Variants in ACTN3 observed in about 807,000 individuals in gnomAD.
ACTN3 encodes actinin alpha 3.
A neutral mutation model predicts 119.6 loss-of-function variants in ACTN3; 91 were observed. The ratio of observed to expected loss-of-function variants is 0.76; its 90% confidence interval spans 0.64 to 0.91. The LOEUF is 0.91. Ranked by LOEUF, ACTN3 falls within the 40% of genes least tolerant of loss-of-function variation. The probability of loss-of-function intolerance (pLI) is 0.00; values close to 1 mark genes in which losing one functional copy is unlikely to be tolerated. For missense variants in ACTN3, 1,221 were observed against 1,215.1 expected, an observed-to-expected ratio of 1.00 and a Z score of -0.07; for synonymous variants, 456 against 478.8, an observed-to-expected ratio of 0.95 and a Z score of 0.62.
intron 19 of ACTN3, 136 bp from the exon 20 acceptor site, chr11:66,562,660 A>G (rs1177727203): frequency 2.0e-6 from 2 of 1,008,664 alleles, no homozygotes; most frequent in East Asian, 4.8e-5. Context: ...AGCCAGGGCT[A>G]AGGTCTCTGG....
intron 1 of ACTN3, among the ~76,000 whole-genome samples, chr11:66,550,795 CAGAG>C (rs1484698038): frequency 6.6e-6 from 1 of 152,184 alleles, no homozygotes; most frequent in African/African-American, 2.4e-5. Flanking sequence ...AACAGAAACA[CAGAG>C]ACAGTCCCTT....
chr11:66,558,041 C>T lies in ACTN3; in HGVS notation c.1143C>T (p.Ala381=). The T allele has an allele frequency of 6.2e-7, 1 of 1,613,886 alleles. No individual in the cohort carries two copies. The highest frequency in any genetic ancestry group is 8.5e-7 in the Non-Finnish European group (1 of 1,179,870). ...EGKLVSDIAN[A]WRGLEQVEKG... ...CTGCTCCACAGGACATCGCCAACGC[C>T]TGGCGGGGGCTGGAGCAGGTGGAAA... The change falls in exon 11 of 21, where the codon GCC becomes GCT. Residue 381 remains alanine, a synonymous_variant. Coordinates refer to ENST00000513398, the MANE Select transcript of ACTN3 (RefSeq NM_001104.4).
At chr11:66,556,729 G>C (rs912317529) in intron 8 of ACTN3, among the ~76,000 whole-genome samples, 2 of 151,338 alleles carry the variant, frequency 1.3e-5, no homozygotes, top group African/African-American at 4.9e-5. Flanking sequence ...GAGCCACCAC[G>C]CCCAGCTGGG....
Position 66,550,812 on chromosome 11 carries a change from G to A in ACTN3, c.148-427G>A, listed in dbSNP as rs1200144125. Among the ~76,000 whole-genome samples, 3 of 152,112 alleles carry A rather than the reference G, an allele frequency of 2.0e-5. No individual in the cohort carries two copies. The East Asian group carries it at 5.8e-4, about 29-fold the overall frequency. On this transcript the variant is annotated intron_variant, in intron 1 of 20. Transcript: ENST00000513398. ...CAGAAACACAGAGACAGTCCCTTAG[G>A]CAAAACCCTGAGGGCCAGATGTGCT...
chr11:66,555,489 C>T, intron 7 of ACTN3, 122 bp downstream of exon 7: 1 of 954,172 alleles, frequency 1.0e-6, no homozygotes, highest in Non-Finnish European at 1.6e-6. Context: ...CACCCCACTC[C>T]CTGGTCACAG....
intron 3 of ACTN3, among the ~76,000 whole-genome samples, chr11:66,552,483 G>A (rs150684733): frequency 6.6e-6 from 1 of 152,288 alleles, no homozygotes; most frequent in African/African-American, 2.4e-5. Context: ...TGGTAGCGCT[G>A]TAGTCTCAGC....
Position 66,562,029 on chromosome 11 carries a change from G to T in ACTN3, c.2183G>T (p.Arg728Leu). Residue 728 changes from arginine to leucine, a missense_variant, in exon 18 of 21, where the codon CGC (arginine) becomes CTC (leucine). Arg to Leu is a moderately radical substitution (Grantham distance 102). Around this residue, in one of 3 missense-constraint regions of ACTN3, gnomAD observed 934 missense variants for 899.9 expected, o/e 1.04. Transcript: ENST00000513398. ...CTGTCCCCTGACCGCCAGCACATCCGCGTGGGCTGGGAGCAGCTGCTCACC... is the reference window on the plus strand; with the variant it reads ...CTGTCCCCTGACCGCCAGCACATCCTCGTGGGCTGGGAGCAGCTGCTCACC... ...KHTVYSMEHI[R>L]VGWEQLLTSI... The T allele has an allele frequency of 1.2e-6, 2 of 1,609,186 alleles. No individual in the cohort carries two copies. The highest frequency in any genetic ancestry group is 1.7e-6 in the Non-Finnish European group (2 of 1,177,924).
chr11:66,556,072 AC>A, intron 7 of ACTN3, 72 bp from the exon 8 acceptor site: 1 of 1,391,522 alleles, frequency 7.2e-7, no homozygotes, highest in African/African-American at 1.4e-5. Flanking sequence ...CAGCCCTCCC[AC>A]CCAGAGAGAG....
intron 3 of ACTN3, 104 bp downstream of exon 3, chr11:66,551,751 T>C (rs1458520291): frequency 1.3e-6 from 2 of 1,491,418 alleles, no homozygotes; most frequent in Non-Finnish European, 1.8e-6. Context: ...GCAATGAGAA[T>C]AATCCCTGCC....
intron 12 of ACTN3, 75 bp from the exon 13 acceptor site, chr11:66,559,893 G>A: frequency 2.1e-6 from 3 of 1,438,850 alleles, no homozygotes; most frequent in African/African-American, 1.4e-5. Context: ...CGGGGAGCAG[G>A]TTCCAGCCCT....
At chr11:66,547,132 C>G (rs75898802) in intron 1 of ACTN3, 48 bp downstream of exon 1, 17 of 1,453,544 alleles carry the variant, frequency 1.2e-5, no homozygotes, top group Non-Finnish European at 1.5e-5. Flanking sequence ...CCTGAGAGGC[C>G]GGGCTGTTTG....
At chr11:66,554,504 C>T in intron 4 of ACTN3, 32 bp from the exon 5 acceptor site, 1 of 1,556,848 alleles carries the variant, frequency 6.4e-7, no homozygotes, top group Non-Finnish European at 8.7e-7. Context: ...GGACCCCTTC[C>T]CAATGAATCC....
At position 66,547,081 on chromosome 11, in the gene ACTN3, G is replaced by C; in HGVS notation, c.144G>C (p.Arg48=). Residue 48 remains arginine (R), a synonymous_variant, in exon 1 of 21, where the codon CGG becomes CGC. Coordinates refer to ENST00000513398, the MANE Select transcript of ACTN3 (RefSeq NM_001104.4). The part of the protein sequence containing the change: ...LLDPAWEKQQ[R]KTFTAWCNSH... Reference sequence around the variant, plus strand: ...ACCCGGCCTGGGAGAAGCAGCAGCGGAAAGTGAGTGCTCGCCCATTTCCTG... The same window carrying C: ...ACCCGGCCTGGGAGAAGCAGCAGCGCAAAGTGAGTGCTCGCCCATTTCCTG... The C allele has an allele frequency of 1.3e-6, 2 of 1,504,730 alleles. No individual in the cohort carries two copies. Among genetic ancestry groups the C allele is most frequent in the South Asian group, 1.4e-5 (1 of 72,702 alleles). 93.2% of individuals were successfully genotyped at this position (1,504,730 alleles called of 1,614,324 possible).
chr11:66,550,760 C>A lies in ACTN3; in HGVS notation c.148-479C>A, dbSNP rs777482811. On this transcript the variant is annotated intron_variant, in intron 1 of 20. Transcript: ENST00000513398. ...TACTTGGAGGCCAATTTACAACAAC[C>A]CTAGAAGGTCAGTAGCACTGAGAAA... Among the ~76,000 whole-genome samples, 429 of 152,294 alleles carry A rather than the reference C, an allele frequency of 2.8e-3. 2 individuals carry two copies. The highest frequency in any genetic ancestry group is 0.01 in the Middle Eastern group (3 of 294).
intron 1 of ACTN3, among the ~76,000 whole-genome samples, chr11:66,548,306 G>T (rs559247940): frequency 6.6e-6 from 1 of 152,118 alleles, no homozygotes; most frequent in African/African-American, 2.4e-5. Flanking sequence ...TCCCGGTGGT[G>T]TCATCCCTGT....
At chr11:66,551,078 G>A in intron 1 of ACTN3, 161 bp from the exon 2 acceptor site, 1 of 709,110 alleles carries the variant, frequency 1.4e-6, no homozygotes, top group Non-Finnish European at 2.6e-6. Context: ...GAGAGGGAAA[G>A]GGACTGGCCC....
At chr11:66,562,404 T>C in intron 19 of ACTN3, 82 bp downstream of exon 19, 5 of 1,419,512 alleles carry the variant, frequency 3.5e-6, no homozygotes, top group Non-Finnish European at 5.0e-6. Flanking sequence ...CCTCCCATCT[T>C]CACATACACC....
chr11:66,561,121 T>C, intron 15 of ACTN3, 106 bp from the exon 16 acceptor site: 1 of 1,404,888 alleles, frequency 7.1e-7, no homozygotes, highest in Non-Finnish European at 9.4e-7. Context: ...CCAGACAAGT[T>C]GGCTCAAAGC....
intron 1 of ACTN3, among the ~76,000 whole-genome samples, chr11:66,550,240 A>G (rs577645581): frequency 6.6e-6 from 1 of 152,354 alleles, no homozygotes; most frequent in East Asian, 1.9e-4. Context: ...ACAGAGCATG[A>G]GTGGCTCAGT....
Sources: allele counts gnomAD v4.1 joint callset (sites outside exome capture counted in the v4.1 genomes callset), GRCh38; gene constraint gnomAD v4.1.1; regional missense constraint gnomAD v4.1.1; transcripts MANE v1.5; gene names NCBI Gene and HGNC (gene_info 2026-07-23, HGNC 2026-07-21).